The following NEGR1 variants were observed in gnomAD, a reference collection of about 807,000 sequenced individuals.
NEGR1 encodes IgLON family member 4.
A neutral mutation model predicts 40.9 loss-of-function variants in NEGR1; 10 were observed. The ratio of observed to expected loss-of-function variants is 0.24; its 90% CI spans 0.15 to 0.42. NEGR1 has a LOEUF of 0.42. NEGR1 is among the 10% of genes least tolerant of loss of function. The pLI is 1.00. For synonymous variants in NEGR1, 185 were observed against 166.8 expected (o/e 1.11, Z -0.84); for missense variants, 352 against 438.9 (o/e 0.80, Z 1.77).
At chr1:71,838,879 A>G (rs1299353362) in intron 2 of NEGR1, among the ~76,000 whole-genome samples, 1 of 152,160 alleles carries the variant, frequency 6.6e-6, no homozygotes, top group Non-Finnish European at 1.5e-5. Context: ...GTAAAATTAA[A>G]AATCAGTTTC....
intron 6 of NEGR1, among the ~76,000 whole-genome samples, chr1:71,456,831 G>C (rs1646676292): frequency 6.6e-6 from 1 of 152,098 alleles, no homozygotes; most frequent in East Asian, 1.9e-4. Context: ...ACATTTCTAT[G>C]CCTGCTTTTC....
intron 1 of NEGR1, among the ~76,000 whole-genome samples, chr1:72,045,867 CG>C (rs1646997242): frequency 2.0e-5 from 3 of 151,580 alleles, no homozygotes; most frequent in Non-Finnish European, 4.4e-5. Context: ...ACAGAAATTT[CG>C]AAAGAATATC....
chr1:71,704,971 TA>T (rs1323948520), intron 3 of NEGR1, among the ~76,000 whole-genome samples: 13 of 151,924 alleles, frequency 8.6e-5, no homozygotes, highest in Admixed American at 8.5e-4. Context: ...AAAAAAAAAT[TA>T]AACAATATGA....
chr1:71,422,632 A>G (rs1557520625), intron 6 of NEGR1: 2 of 152,226 alleles, frequency 1.3e-5, no homozygotes, highest in Non-Finnish European at 2.9e-5. Context: ...GCTACAGGAA[A>G]AGAACTGAAG....
chr1:72,242,964 T>C (rs1480395014), intron 1 of NEGR1, among the ~76,000 whole-genome samples: 1 of 151,714 alleles, frequency 6.6e-6, no homozygotes, highest in Non-Finnish European at 1.5e-5. Context: ...AAAAGTAATA[T>C]TAATTGTACT....
intron 1 of NEGR1, among the ~76,000 whole-genome samples, chr1:72,017,232 G>A (rs1646720164): frequency 6.6e-6 from 1 of 151,798 alleles, no homozygotes; most frequent in Admixed American, 6.6e-5. Flanking sequence ...TGTGTCAGTT[G>A]ACAAAAAACA....
intron 1 of NEGR1, among the ~76,000 whole-genome samples, chr1:72,212,378 A>G (rs1653642210): frequency 1.3e-5 from 2 of 151,932 alleles, no homozygotes; most frequent in Admixed American, 6.6e-5. Context: ...GTTAAGCGTT[A>G]TCCTGAAATG....
intron 1 of NEGR1, among the ~76,000 whole-genome samples, chr1:71,999,800 C>T (rs1646542099): frequency 6.6e-6 from 1 of 150,480 alleles, no homozygotes; most frequent in Non-Finnish European, 1.5e-5. Context: ...GATTTTAAGG[C>T]ATTGCACTTA....
chr1:72,002,244 T>G (rs867534497), intron 1 of NEGR1, among the ~76,000 whole-genome samples: 1 of 152,118 alleles, frequency 6.6e-6, no homozygotes, highest in South Asian at 2.1e-4. Flanking sequence ...GAGAATCTGG[T>G]AATAAAGTTG....
At chr1:71,681,781 C>G (rs1304394774) in intron 4 of NEGR1, among the ~76,000 whole-genome samples, 3 of 151,990 alleles carry the variant, frequency 2.0e-5, no homozygotes, top group African/African-American at 7.3e-5. Context: ...CTTTAAATTT[C>G]TTCACTTTCT....
At chr1:71,739,046 A>G (rs56261827) in intron 3 of NEGR1, among the ~76,000 whole-genome samples, 4,012 of 151,970 alleles carry the variant, frequency 0.026, 150 homozygotes, top group African/African-American at 0.091. Flanking sequence ...AACTTGATCA[A>G]ATTAAAGGTT....
chr1:71,479,584 T>G (rs941294384), intron 6 of NEGR1, among the ~76,000 whole-genome samples: 1 of 151,982 alleles, frequency 6.6e-6, no homozygotes. Flanking sequence ...CAATCCTACA[T>G]TGTGATGGGC....
At chr1:72,205,477 A>G (rs1189565992) in intron 1 of NEGR1, among the ~76,000 whole-genome samples, 2 of 151,658 alleles carry the variant, frequency 1.3e-5, no homozygotes, top group Admixed American at 6.6e-5. Context: ...CTATATTTAT[A>G]TTAGACTGGA....
rs368494458 is a variant in NEGR1 at position 71,517,767 on chromosome 1, G to A, written c.940+75050C>T. Among the ~76,000 whole-genome samples the A allele has an allele frequency of 9.1e-3, 428 of 46,878 alleles. 4 individuals carry two copies. The highest frequency in any genetic ancestry group is 0.013 in the Non-Finnish European group (354 of 27,130). 30.8% of individuals were successfully genotyped at this position (46,878 alleles called of 152,430 possible). Reference sequence around the variant, plus strand: ...GAAGGAAATAAAGGGTATTCAATTAGGAAAAGAGGAAGTCAAATTGTCCCT... The same window carrying A: ...GAAGGAAATAAAGGGTATTCAATTAAGAAAAGAGGAAGTCAAATTGTCCCT... On this transcript the variant is annotated intron_variant, in intron 6 of 6. Transcript: ENST00000357731.
At chr1:71,554,284 A>C (rs1184212763) in intron 6 of NEGR1, among the ~76,000 whole-genome samples, 1 of 151,614 alleles carries the variant, frequency 6.6e-6, no homozygotes, top group Non-Finnish European at 1.5e-5. Flanking sequence ...AGTGCTAATC[A>C]TAGATAATAT....
intron 6 of NEGR1, among the ~76,000 whole-genome samples, chr1:71,474,666 T>C (rs1366379803): frequency 7.1e-6 from 1 of 141,532 alleles, no homozygotes; most frequent in African/African-American, 2.6e-5. Flanking sequence ...AGCCAAATTG[T>C]ACCATTGTAC....
intron 2 of NEGR1, among the ~76,000 whole-genome samples, chr1:71,887,144 A>G (rs1000102893): frequency 1.3e-5 from 2 of 152,276 alleles, no homozygotes; most frequent in African/African-American, 4.8e-5. Context: ...TAAGAAAATT[A>G]TAAGTAAGGG....
intron 1 of NEGR1, among the ~76,000 whole-genome samples, chr1:72,040,529 C>T (rs999865815): frequency 7.4e-6 from 1 of 135,210 alleles, no homozygotes; most frequent in Non-Finnish European, 1.5e-5. Context: ...AGTTGTCAGC[C>T]TGCTAACCCT....
chr1:71,741,123 C>T (rs1229012640), intron 3 of NEGR1, among the ~76,000 whole-genome samples: 2 of 152,132 alleles, frequency 1.3e-5, no homozygotes, highest in Non-Finnish European at 2.9e-5. Flanking sequence ...AATCTCAGAG[C>T]ATTCATTACT....
Sources: gnomAD v4.1 joint callset for allele counts (sites outside exome capture counted in the v4.1 genomes callset) on GRCh38, gnomAD v4.1.1 for gene constraint, MANE v1.5 for transcripts, NCBI Gene and HGNC (gene_info 2026-07-23, HGNC 2026-07-21) for gene names.